The following ALDH9A1 variants were observed in gnomAD, a reference collection of about 807,000 sequenced individuals.
The protein encoded by ALDH9A1 is 4-trimethylaminobutyraldehyde dehydrogenase.
In ALDH9A1, 42 loss-of-function variants were observed where a neutral mutation model predicts 56.6. That is an observed-to-expected ratio of 0.74 (90% confidence interval 0.58 to 0.96). The LOEUF (loss-of-function observed/expected upper bound fraction) is 0.96, where lower values mean the gene tolerates loss of function less well. ALDH9A1 is among the 40% of genes least tolerant of loss of function. The pLI is 0.00. For missense variants in ALDH9A1, 661 were observed against 651.5 expected (o/e 1.01, Z -0.16); for synonymous variants, 242 against 236.0 (o/e 1.03, Z -0.23).
intron 10 of ALDH9A1, among the ~76,000 whole-genome samples, chr1:165,664,541 G>A (rs752302473): frequency 1.3e-5 from 2 of 152,170 alleles, no homozygotes; most frequent in South Asian, 2.1e-4. Flanking sequence ...ATAATTGATT[G>A]CTTAATGATA....
intron 4 of ALDH9A1, 107 bp downstream of exon 4, chr1:165,682,000 C>T (rs1188356390): frequency 8.3e-6 from 12 of 1,452,342 alleles, no homozygotes; most frequent in Non-Finnish European, 1.0e-5. Flanking sequence ...CAGGCCCCTT[C>T]CGATTTAAAG....
At chr1:165,683,651 G>A (rs1047379847) in intron 2 of ALDH9A1, among the ~76,000 whole-genome samples, 6 of 152,150 alleles carry the variant, frequency 3.9e-5, no homozygotes, top group Non-Finnish European at 5.9e-5. Context: ...TGTAATATGC[G>A]TCACTTTAAG....
At position 165,663,149 on chromosome 1, in the gene ALDH9A1, AAGG is replaced by A. The variant is rs777722333; in HGVS notation, c.1463-8_1463-6del. On this transcript the variant is annotated splice_region_variant and splice_polypyrimidine_tract_variant and intron_variant, in intron 10 of 10. Coordinates refer to ENST00000354775, the MANE Select transcript of ALDH9A1 (RefSeq NM_000696.4). ...GGCCGTTCTCTCTGCCAAATCCTGA[AAGG>A]AGGAGAAGGGGTCAGGTTGAGCCAT... 2.0e-5 allele frequency: 32 copies of A among 1,612,242 alleles called. No homozygotes were observed. The highest frequency in any genetic ancestry group is 2.6e-5 in the Non-Finnish European group (31 of 1,178,446).
At chr1:165,674,734 C>T (rs1649295500) in intron 6 of ALDH9A1, among the ~76,000 whole-genome samples, 1 of 150,804 alleles carries the variant, frequency 6.6e-6, no homozygotes, top group Non-Finnish European at 1.5e-5. Context: ...TATGATTCAG[C>T]AATTCCTCTT....
intron 3 of ALDH9A1, 62 bp from the exon 4 acceptor site, chr1:165,682,303 T>G: frequency 1.9e-6 from 3 of 1,557,170 alleles, no homozygotes; most frequent in Non-Finnish European, 2.6e-6. Flanking sequence ...TTCACCAACA[T>G]CTGTACCAGT....
chr1:165,698,249 C>A, intron 1 of ALDH9A1, 129 bp downstream of exon 1: 1 of 1,441,646 alleles, frequency 6.9e-7, no homozygotes, highest in Non-Finnish European at 9.1e-7. Flanking sequence ...ACACACACAA[C>A]CTTAGACTCT....
intron 8 of ALDH9A1, 100 bp from the exon 9 acceptor site, chr1:165,667,550 A>C: frequency 7.4e-7 from 1 of 1,352,814 alleles, no homozygotes; most frequent in African/African-American, 1.5e-5. Flanking sequence ...TATGTTGCCC[A>C]GTCTGGTCTC....
chr1:165,668,743 A>G (rs1490861570), intron 8 of ALDH9A1, 183 bp downstream of exon 8: 2 of 490,130 alleles, frequency 4.1e-6, no homozygotes, highest in African/African-American at 4.0e-5. Context: ...TGGGTGCCCT[A>G]AAGGAGGGGC....
In ALDH9A1 at chr1:165,676,730, C is replaced by T. The variant is rs564687222; in HGVS notation, c.930+2712G>A. 222 of 505,478 alleles carry T rather than the reference C, an allele frequency of 4.4e-4. 5 individuals are homozygous for T. In the Middle Eastern group the frequency reaches 0.014, roughly 31 times the overall value. The allele number at this position is 505,478 out of a possible 1,614,324, so 31.3% of individuals were successfully genotyped here. On this transcript the variant is annotated intron_variant, in intron 6 of 10. Coordinates refer to ENST00000354775, the MANE Select transcript of ALDH9A1 (RefSeq NM_000696.4). The stretch of plus-strand genomic sequence containing the variant: ...CCCAGGGAATCCCACTGTGTGAGAA[C>T]CAACGGGAAGGAGCCTGAGCTGCTG...
In ALDH9A1 at chr1:165,685,588, A is replaced by G. The variant is rs562678877; in HGVS notation, c.328-2478T>C. On this transcript the variant is annotated intron_variant, in intron 2 of 10. Transcript: ENST00000354775. ...AAAACAAAAGAACAGCACCAAACTC[A>G]GCGTCATGGCATTGTAAAAGCATGA... Among the ~76,000 whole-genome samples, 3 of 152,332 alleles carry G rather than the reference A, an allele frequency of 2.0e-5. No individual in the cohort carries two copies. The East Asian group carries it at 5.8e-4, about 29-fold the overall frequency.
At chr1:165,677,527 G>C (rs1193842418) in intron 6 of ALDH9A1, among the ~76,000 whole-genome samples, 1 of 151,886 alleles carries the variant, frequency 6.6e-6, no homozygotes, top group Non-Finnish European at 1.5e-5. Flanking sequence ...TCACGGAAAG[G>C]GATTCCCACC....
chr1:165,676,767 C>T, intron 6 of ALDH9A1: 1 of 499,518 alleles, frequency 2.0e-6, no homozygotes, highest in South Asian at 1.6e-5. Flanking sequence ...AACCTATTCC[C>T]TATGAATTCA....
At chr1:165,689,464 A>G (rs1455312083) in intron 2 of ALDH9A1, among the ~76,000 whole-genome samples, 1 of 152,156 alleles carries the variant, frequency 6.6e-6, no homozygotes, top group Non-Finnish European at 1.5e-5. Context: ...AGTAATCTCA[A>G]TCTCTCTCAC....
At chr1:165,676,372 C>T (rs942293833) in intron 6 of ALDH9A1, 1 of 179,664 alleles carries the variant, frequency 5.6e-6, no homozygotes, top group Non-Finnish European at 1.2e-5. Context: ...TTTTAGAAAA[C>T]ATGGAGTTGT....
intron 2 of ALDH9A1, among the ~76,000 whole-genome samples, chr1:165,693,334 T>C (rs893096407): frequency 2.6e-5 from 4 of 152,114 alleles, no homozygotes; most frequent in Admixed American, 1.3e-4. Context: ...AGGGTTAATA[T>C]CCAGAATCTA....
At position 165,668,992 on chromosome 1, in the gene ALDH9A1, C is replaced by T. The variant is rs367643514; in HGVS notation, c.1141G>A (p.Gly381Arg). The change falls in exon 8 of 11, where the codon GGA (glycine) becomes AGA (arginine). Residue 381 changes from glycine (G) to arginine (R), a missense_variant. By Grantham distance (125) the Gly-to-Arg change is moderately radical. Transcript: ENST00000354775. ...KEQGAKVLCG[G>R]DIYVPEDPKL... ...GGATCTTCAGGTACATATATATCTC[C>T]ACCACATAACACTTTAGCACCCTGC... is the stretch of plus-strand genomic sequence containing the variant. 15 of 1,609,852 alleles carry T rather than the reference C, an allele frequency of 9.3e-6. No individual in the cohort carries two copies. In the Admixed American group the frequency reaches 2.2e-4, roughly 24 times the overall value.
At position 165,667,312 on chromosome 1, in the gene ALDH9A1, G is replaced by A. The variant is rs1459728894; in HGVS notation, c.1346C>T (p.Thr449Ile). Residue 449 changes from threonine to isoleucine, a missense_variant, in exon 9 of 11, where the codon ACC (threonine) becomes ATC (isoleucine). Physicochemically the swap from Thr to Ile is moderately conservative, Grantham distance 89 (BLOSUM62 -1). Coordinates refer to ENST00000354775, the MANE Select transcript of ALDH9A1 (RefSeq NM_000696.4). ...CTCAGTGTCCCACTCCACATACCTG[G>A]TAAAGACGCCAGCTGCTAGTCCAAA... Reference protein sequence around the residue: ...TTFGLAAGVFTRDIQRAHRVV... With the variant: ...TTFGLAAGVFIRDIQRAHRVV... 1 of 1,613,864 alleles carries A rather than the reference G, an allele frequency of 6.2e-7. No individual in the cohort carries two copies. The highest frequency in any genetic ancestry group is 2.2e-5 in the East Asian group (1 of 44,896).
Position 165,698,541 on chromosome 1 carries a change from G to A in ALDH9A1, c.18C>T (p.Gly6=), listed in dbSNP as rs201708781. ...GAAGAAGCGGGGAGAGCGCGGCCAG[G>A]CCTGCTCGGAGAAACATGAGTGGCG... MFLRA[G]LAALSPLLRS... Residue 6 remains glycine, a synonymous_variant, in exon 1 of 11, where the codon GGC becomes GGT. Coordinates refer to ENST00000354775, the MANE Select transcript of ALDH9A1 (RefSeq NM_000696.4). The A allele has an allele frequency of 8.7e-6, 14 of 1,608,382 alleles. No individual in the cohort carries two copies. Among genetic ancestry groups the A allele is most frequent in the African/African-American group, 6.8e-5 (5 of 73,944 alleles).
At chr1:165,666,789 T>C (rs1458466765) in intron 9 of ALDH9A1, among the ~76,000 whole-genome samples, 1 of 152,204 alleles carries the variant, frequency 6.6e-6, no homozygotes, top group African/African-American at 2.4e-5. Flanking sequence ...TTCAAAGAAA[T>C]TGTACTCCCA....
Sources: gnomAD v4.1 joint callset for allele counts (sites outside exome capture counted in the v4.1 genomes callset) on GRCh38, gnomAD v4.1.1 for gene constraint, MANE v1.5 for transcripts, NCBI Gene and HGNC (gene_info 2026-07-23, HGNC 2026-07-21) for gene names.